HPS3: variants seen among roughly 807,000 people sequenced by gnomAD.
HPS3 encodes the protein HPS3 biogenesis of lysosomal organelles complex 2 subunit 1, also known as BLOC-2 complex member HPS3.
In HPS3, 79 loss-of-function variants were observed where a neutral mutation model predicts 110.9. The ratio of observed to expected loss-of-function variants is 0.71; its 90% CI spans 0.59 to 0.86. The LOEUF is 0.86. Ranked by LOEUF, HPS3 falls within the 40% of genes least tolerant of loss-of-function variation. The pLI is 0.00. For synonymous variants in HPS3, 428 were observed against 451.0 expected (o/e 0.95, Z 0.65); for missense variants, 1,197 against 1,206.2 (o/e 0.99, Z 0.11).
chr3:149,154,411 T>C (rs940648555), intron 7 of HPS3, among the ~76,000 whole-genome samples: 1 of 152,188 alleles, frequency 6.6e-6, no homozygotes, highest in African/African-American at 2.4e-5. Flanking sequence ...GAATCAGAGG[T>C]TGACTTTGGT....
At chr3:149,153,709 A>C in intron 7 of HPS3, 61 bp downstream of exon 7, 1 of 1,514,442 alleles carries the variant, frequency 6.6e-7, no homozygotes, top group Non-Finnish European at 9.2e-7. Context: ...TAACTGGTAT[A>C]TTTTGTGTTT....
intron 1 of HPS3, among the ~76,000 whole-genome samples, chr3:149,136,644 G>A (rs6440588): frequency 0.7 from 106,903 of 152,024 alleles, 38,795 homozygotes; most frequent in African/African-American, 0.89. Flanking sequence ...AGGGAGATTT[G>A]TATCTTAAAG....
chr3:149,129,885 G>A lies in HPS3; in HGVS notation c.162G>A (p.Pro54=). 9 of 1,589,812 alleles carry A rather than the reference G, an allele frequency of 5.7e-6. No individual in the cohort carries two copies. The highest frequency in any genetic ancestry group is 1.3e-5 in the African/African-American group (1 of 74,598). Residue 54 remains proline (P), a synonymous_variant, in exon 1 of 17, where the codon CCG becomes CCA. Coordinates refer to ENST00000296051, the MANE Select transcript of HPS3 (RefSeq NM_032383.5). ...FAVAGQELCQ[P]RCAFSTLGRV... ...TGGCCGGCCAGGAGCTGTGCCAGCCGCGGTGCGCCTTCTCCACGCTGGGCC... is the reference window on the plus strand; with the variant it reads ...TGGCCGGCCAGGAGCTGTGCCAGCCACGGTGCGCCTTCTCCACGCTGGGCC...
rs1722731438 is a variant in HPS3 at position 149,145,409 on chromosome 3, C to T, written c.1026C>T (p.Leu342=). ...NLSQEKELLS[L]FCFFSLPHVG... The stretch of plus-strand genomic sequence containing the variant: ...CTCAGGAAAAAGAATTGCTGAGTCT[C>T]TTTTGCTTTTTCTCCTTACCTCATG... The change falls in exon 5 of 17, where the codon CTC becomes CTT. Residue 342 remains leucine (L), a synonymous_variant. Coordinates refer to ENST00000296051, the MANE Select transcript of HPS3 (RefSeq NM_032383.5). 1 of 1,614,022 alleles carries T rather than the reference C, an allele frequency of 6.2e-7. No individual in the cohort carries two copies. The highest frequency in any genetic ancestry group is 1.3e-5 in the African/African-American group (1 of 75,010).
intron 16 of HPS3, among the ~76,000 whole-genome samples, chr3:149,171,079 AC>A (rs1471452791): frequency 1.3e-5 from 2 of 152,208 alleles, no homozygotes; most frequent in African/African-American, 4.8e-5. Flanking sequence ...AGAGATCGAG[AC>A]CATCCTGGCC....
At position 149,129,740 on chromosome 3, in the gene HPS3, A is replaced by G; in HGVS notation, c.17A>G (p.Asn6Ser). The change falls in exon 1 of 17, where the codon AAC (asparagine) becomes AGC (serine). Residue 6 changes from asparagine (N) to serine (S), a missense_variant. By Grantham distance (46) the Asn-to-Ser change is conservative (BLOSUM62 1). Coordinates refer to ENST00000296051, the MANE Select transcript of HPS3 (RefSeq NM_032383.5). ...GACGTCGGGATGGTGCAGCTGTACA[A>G]CCTGCACCCGTTCGGGTCGCAGCAG... is the stretch of plus-strand genomic sequence containing the variant. MVQLY[N>S]LHPFGSQQVV... 2 of 1,603,822 alleles carry G rather than the reference A, an allele frequency of 1.2e-6. No homozygotes were observed. Among genetic ancestry groups the G allele is most frequent in the Non-Finnish European group, 1.7e-6 (2 of 1,177,950 alleles).
At chr3:149,158,645 T>C (rs1559919774) in intron 9 of HPS3, 21 bp from the exon 10 acceptor site, 11 of 1,611,360 alleles carry the variant, frequency 6.8e-6, no homozygotes, top group Non-Finnish European at 8.5e-6. Context: ...AATTTGAGGT[T>C]TTTCATTTCC....
In HPS3 at chr3:149,141,135, G is replaced by A. The variant is rs1412173688; in HGVS notation, c.831G>A (p.Thr277=). Residue 277 remains threonine, a synonymous_variant, in exon 3 of 17, where the codon ACG becomes ACA. Coordinates refer to ENST00000296051, the MANE Select transcript of HPS3 (RefSeq NM_032383.5). ...GATTATCTGTTACACTGGAGTCTAC[G>A]GGATTAGCTGATGAAAAAAGAAAAT... ...QSGLSVTLES[T]GLADEKRKYS... 9.3e-6 allele frequency: 15 copies of A among 1,612,662 alleles called. No individual in the cohort carries two copies. The highest frequency in any genetic ancestry group is 2.2e-5 in the East Asian group (1 of 44,844).
chr3:149,144,874 C>G (rs956626968), intron 4 of HPS3, among the ~76,000 whole-genome samples: 2 of 152,036 alleles, frequency 1.3e-5, no homozygotes, highest in African/African-American at 2.4e-5. Flanking sequence ...TTTATTGCTT[C>G]TTGAAATGGT....
In HPS3 at chr3:149,140,568, G is replaced by T. The variant is rs1576666062; in HGVS notation, c.712+70G>T. 19 of 1,534,128 alleles carry T rather than the reference G, an allele frequency of 1.2e-5. No individual in the cohort carries two copies. In the South Asian group the frequency reaches 1.5e-4, roughly 12 times the overall value. On this transcript the variant is annotated intron_variant, in intron 2 of 16. Transcript: ENST00000296051. ...AAACCTTCACCTTTGGCAGTCTGAAGGTCTGTGGTATATATGGTGCCCGGC... is the reference window on the plus strand; with the variant it reads ...AAACCTTCACCTTTGGCAGTCTGAATGTCTGTGGTATATATGGTGCCCGGC...
At position 149,141,531 on chromosome 3, in the gene HPS3, GTT is replaced by G. The variant is rs10718838; in HGVS notation, c.970+171_970+172del. 0.087 allele frequency: 33,093 copies of G among 379,546 alleles called. 606 individuals carry two copies. Among genetic ancestry groups the G allele is most frequent in the African/African-American group, 0.15 (5,732 of 38,584 alleles). 23.5% of individuals were successfully genotyped at this position (379,546 alleles called of 1,614,324 possible). A position where few individuals can be genotyped will look rare whatever the true frequency, so the allele number is the denominator to read the frequency against. On this transcript the variant is annotated intron_variant, in intron 4 of 16. Coordinates refer to ENST00000296051, the MANE Select transcript of HPS3 (RefSeq NM_032383.5). ...GCCCTTTAACAAAGTTTTTTTTTTT[GTT>G]TTTTTTTTTTTTTTTTTTTGAGACT...
At chr3:149,153,348 TTTTG>T (rs745992377) in intron 6 of HPS3, 142 bp from the exon 7 acceptor site, 121 of 714,976 alleles carry the variant, frequency 1.7e-4, no homozygotes, top group Admixed American at 2.9e-4. Context: ...TGGGTTGGTC[TTTTG>T]TTTGTTTGTT....
chr3:149,166,290 T>C (rs1456310224), intron 14 of HPS3, among the ~76,000 whole-genome samples: 1 of 152,220 alleles, frequency 6.6e-6, no homozygotes, highest in African/African-American at 2.4e-5. Flanking sequence ...CACTTTAGTC[T>C]TATTAAGTGT....
chr3:149,137,787 A>C (rs1365907843), intron 1 of HPS3, among the ~76,000 whole-genome samples: 2 of 152,196 alleles, frequency 1.3e-5, no homozygotes, highest in Non-Finnish European at 2.9e-5. Flanking sequence ...TAGAGATAGT[A>C]TAATGGTGGT....
At chr3:149,153,767 G>A in intron 7 of HPS3, 119 bp downstream of exon 7, 1 of 1,022,046 alleles carries the variant, frequency 9.8e-7, no homozygotes, top group Non-Finnish European at 1.5e-6. Context: ...CTTTTTTATG[G>A]TGGTCTTTTT....
chr3:149,130,977 T>A (rs1485375189), intron 1 of HPS3, among the ~76,000 whole-genome samples: 8 of 152,186 alleles, frequency 5.3e-5, no homozygotes, highest in African/African-American at 1.9e-4. Context: ...GGTGTAAAGT[T>A]CAGTATTTAC....
In HPS3 at chr3:149,139,987, T is replaced by C. The variant is rs370446827; in HGVS notation, c.218-17T>C. Reference sequence around the variant, plus strand: ...TTCTAATTACAAATTCTCAGTATAATCTTCATTCCTTCTCAGGAGATTATT... The same window carrying C: ...TTCTAATTACAAATTCTCAGTATAACCTTCATTCCTTCTCAGGAGATTATT... On this transcript the variant is annotated splice_polypyrimidine_tract_variant and intron_variant, in intron 1 of 16. Transcript: ENST00000296051. 203 of 1,609,166 alleles carry C rather than the reference T, an allele frequency of 1.3e-4. No individual in the cohort carries two copies. Among genetic ancestry groups the C allele is most frequent in the Non-Finnish European group, 1.7e-4 (196 of 1,175,988 alleles).
At chr3:149,153,384 A>C in intron 6 of HPS3, 110 bp from the exon 7 acceptor site, 1 of 917,178 alleles carries the variant, frequency 1.1e-6, no homozygotes, top group Non-Finnish European at 1.8e-6. Context: ...GGTGGTGGGT[A>C]TGGGATGGTG....
chr3:149,133,739 G>A (rs891540188), intron 1 of HPS3, among the ~76,000 whole-genome samples: 7 of 152,120 alleles, frequency 4.6e-5, no homozygotes, highest in African/African-American at 1.7e-4. Context: ...TTGGATGATC[G>A]TTAGCATTTT....
Sources: allele counts gnomAD v4.1 joint callset (sites outside exome capture counted in the v4.1 genomes callset), GRCh38; gene constraint gnomAD v4.1.1; transcripts MANE v1.5; gene names NCBI Gene and HGNC (gene_info 2026-07-23, HGNC 2026-07-21).